The following RERE variants were observed in gnomAD, a reference collection of about 807,000 sequenced individuals.
RERE encodes arginine-glutamic acid dipeptide repeats.
A neutral mutation model predicts 146.1 loss-of-function variants in RERE; 40 were observed. The ratio of observed to expected loss-of-function variants is 0.27; its 90% CI spans 0.21 to 0.36. The LOEUF (loss-of-function observed/expected upper bound fraction) is 0.36. RERE is among the 10% of genes least tolerant of loss of function. RERE has a pLI of 1.00. For synonymous variants in RERE, 1,003 were observed against 866.0 expected (o/e 1.16, Z -2.78); for missense variants, 1,933 against 2,138.7 (o/e 0.90, Z 1.90).
chr1:8,674,335 A>G (rs962903925), intron 1 of RERE, among the ~76,000 whole-genome samples: 1 of 152,160 alleles, frequency 6.6e-6, no homozygotes, highest in Non-Finnish European at 1.5e-5. Context: ...AAAGTAATAC[A>G]TACTTCTTTT....
At position 8,552,595 on chromosome 1, in the gene RERE, G is replaced by GA. The variant is rs1256576160; in HGVS notation, c.725+3879dup. ...TGAATAAACTATGAGAAGAAAATTG[G>GA]AAAAAAAAGGTAAAGCTTAACTTTA... On this transcript the variant is annotated intron_variant, in intron 6 of 22. Transcript: ENST00000400908. 7.3e-5 allele frequency among the ~76,000 whole-genome samples: 11 copies of GA among 151,522 alleles called. No homozygotes were observed. In the East Asian group the frequency reaches 7.7e-4, roughly 11 times the overall value.
chr1:8,518,792 A>C (rs1024376646), intron 7 of RERE, among the ~76,000 whole-genome samples: 1 of 152,228 alleles, frequency 6.6e-6, no homozygotes, highest in African/African-American at 2.4e-5. Flanking sequence ...AGCCATGCGA[A>C]TGTTGTATTC....
chr1:8,392,645 C>T (rs1026572108), intron 12 of RERE, among the ~76,000 whole-genome samples: 6 of 152,180 alleles, frequency 3.9e-5, no homozygotes, highest in African/African-American at 7.2e-5. Flanking sequence ...ATAACTCACA[C>T]TAGCAGTAGA....
intron 1 of RERE, among the ~76,000 whole-genome samples, chr1:8,696,362 C>A (rs1047063027): frequency 6.6e-6 from 1 of 152,188 alleles, no homozygotes; most frequent in African/African-American, 2.4e-5. Flanking sequence ...TCTGTAATCC[C>A]AGCACTATGG....
At chr1:8,596,925 G>A (rs1441221587) in intron 4 of RERE, among the ~76,000 whole-genome samples, 1 of 151,988 alleles carries the variant, frequency 6.6e-6, no homozygotes, top group Non-Finnish European at 1.5e-5. Context: ...AAATCCCCCT[G>A]ACCTGCAAGA....
At chr1:8,410,044 C>T (rs1399244894) in intron 12 of RERE, among the ~76,000 whole-genome samples, 1 of 131,262 alleles carries the variant, frequency 7.6e-6, no homozygotes, top group Non-Finnish European at 1.5e-5. Flanking sequence ...GAAATGAGAG[C>T]TGGGATAAAG....
At chr1:8,402,608 T>A (rs1462313769) in intron 12 of RERE, among the ~76,000 whole-genome samples, 2 of 152,180 alleles carry the variant, frequency 1.3e-5, no homozygotes. Context: ...GTAGTACTTT[T>A]TATACATTGC....
intron 7 of RERE, among the ~76,000 whole-genome samples, chr1:8,530,220 C>A (rs1645625042): frequency 6.6e-6 from 1 of 152,114 alleles, no homozygotes; most frequent in African/African-American, 2.4e-5. Context: ...CCCAAGTGAA[C>A]AACAGGTGTA....
intron 1 of RERE, among the ~76,000 whole-genome samples, chr1:8,792,967 G>A (rs1328810185): frequency 6.6e-6 from 1 of 151,912 alleles, no homozygotes; most frequent in East Asian, 1.9e-4. Context: ...GACCAGCCTG[G>A]CCAACACGGT....
intron 10 of RERE, among the ~76,000 whole-genome samples, chr1:8,482,296 A>G (rs1644845315): frequency 6.6e-6 from 1 of 152,218 alleles, no homozygotes; most frequent in Admixed American, 6.5e-5. Context: ...GGAAAAGAAG[A>G]AAGTGGGGTA....
intron 4 of RERE, among the ~76,000 whole-genome samples, chr1:8,566,295 A>G (rs1231761926): frequency 1.3e-5 from 2 of 152,140 alleles, no homozygotes; most frequent in African/African-American, 4.8e-5. Flanking sequence ...AATACCTTAA[A>G]ACAAGGGGCA....
intron 10 of RERE, among the ~76,000 whole-genome samples, chr1:8,469,774 T>C (rs1471145623): frequency 6.6e-6 from 1 of 152,234 alleles, no homozygotes; most frequent in Non-Finnish European, 1.5e-5. Context: ...TTCCGGCCTT[T>C]TGGTGAACCA....
Position 8,691,189 on chromosome 1 carries a change from C to T in RERE, c.-144-34748G>A, listed in dbSNP as rs572420229. On this transcript the variant is annotated intron_variant, in intron 1 of 22. Transcript: ENST00000400908. ...GGGATTACAGGCATGAGCCACCGTG[C>T]CCGGCCGGCCAAAATTTTACAAGCA... Among the ~76,000 whole-genome samples the T allele has an allele frequency of 2.6e-3, 399 of 152,250 alleles. 2 individuals carry two copies. Among genetic ancestry groups the T allele is most frequent in the African/African-American group, 9.1e-3 (379 of 41,554 alleles).
intron 1 of RERE, among the ~76,000 whole-genome samples, chr1:8,757,321 C>T (rs1324381860): frequency 1.3e-5 from 2 of 152,128 alleles, no homozygotes; most frequent in Non-Finnish European, 2.9e-5. Context: ...ATTTCTTTCA[C>T]TAAATAATCA....
intron 8 of RERE, among the ~76,000 whole-genome samples, chr1:8,500,338 T>C (rs1334696203): frequency 1.3e-5 from 2 of 152,144 alleles, no homozygotes; most frequent in East Asian, 3.8e-4. Context: ...GAAATATAAT[T>C]AGACAGTTTA....
chr1:8,359,639 C>T, intron 19 of RERE, 125 bp downstream of exon 19: 1 of 1,096,230 alleles, frequency 9.1e-7, no homozygotes, highest in Non-Finnish European at 1.3e-6. Flanking sequence ...GTAAATAGCA[C>T]CCAACCCTCT....
At chr1:8,756,266 T>C (rs1044852133) in intron 1 of RERE, among the ~76,000 whole-genome samples, 2 of 152,230 alleles carry the variant, frequency 1.3e-5, no homozygotes, top group Admixed American at 6.5e-5. Context: ...GGCTAACCAT[T>C]TGTTATTTTT....
intron 12 of RERE, among the ~76,000 whole-genome samples, chr1:8,393,683 G>A (rs1002751453): frequency 1.3e-5 from 2 of 152,104 alleles, no homozygotes; most frequent in Non-Finnish European, 2.9e-5. Flanking sequence ...GCATAGGTAA[G>A]ATAAAATAGC....
chr1:8,392,086 C>T (rs551124472), intron 12 of RERE, among the ~76,000 whole-genome samples: 1 of 152,330 alleles, frequency 6.6e-6, no homozygotes, highest in South Asian at 2.1e-4. Flanking sequence ...TTTATTGCTG[C>T]ATTTCTCACA....
Sources: gnomAD v4.1 joint callset for allele counts (sites outside exome capture counted in the v4.1 genomes callset) on GRCh38, gnomAD v4.1.1 for gene constraint, MANE v1.5 for transcripts, NCBI Gene and HGNC (gene_info 2026-07-23, HGNC 2026-07-21) for gene names.